POU2F1: variants seen among roughly 807,000 people sequenced by gnomAD.
POU2F1 encodes the protein POU domain, class 2, transcription factor 1.
POU2F1 carries 16 observed loss-of-function variants against 84.9 expected under a neutral mutation model. The observed-to-expected ratio is 0.19, with a 90% CI of 0.13 to 0.29. POU2F1 has a LOEUF of 0.29. POU2F1 is among the 10% of genes least tolerant of loss of function. POU2F1 has a pLI of 1.00. For synonymous variants in POU2F1, 368 were observed against 368.3 expected, an observed-to-expected ratio of 1.00 and a Z score of 0.01; for missense variants, 738 against 942.6, an observed-to-expected ratio of 0.78 and a Z score of 2.84.
At chr1:167,263,357 T>A (rs1329372828) in intron 1 of POU2F1, among the ~76,000 whole-genome samples, 1 of 152,086 alleles carries the variant, frequency 6.6e-6, no homozygotes, top group East Asian at 1.9e-4. Context: ...CTGTTTCTAC[T>A]AAAAATGCAA....
chr1:167,412,434 G>C (rs983999418), intron 14 of POU2F1, 130 bp downstream of exon 14: 18 of 833,508 alleles, frequency 2.2e-5, no homozygotes, highest in Non-Finnish European at 2.7e-5. Flanking sequence ...TCTTTGAAGT[G>C]GGCTGTTTTG....
chr1:167,369,792 G>A (rs1659895183), intron 3 of POU2F1, among the ~76,000 whole-genome samples: 1 of 152,078 alleles, frequency 6.6e-6, no homozygotes, highest in African/African-American at 2.4e-5. Context: ...TATATAGATA[G>A]CTTATATGTT....
intron 7 of POU2F1, among the ~76,000 whole-genome samples, chr1:167,376,365 C>T (rs1352245563): frequency 6.6e-6 from 1 of 152,196 alleles, no homozygotes; most frequent in East Asian, 1.9e-4. Context: ...AACTGCCATT[C>T]ATCTGCTTAA....
rs186213001 is a variant in POU2F1 at position 167,408,016 on chromosome 1, A to G, written c.1556-3943A>G. On this transcript the variant is annotated intron_variant, in intron 13 of 15. Coordinates refer to ENST00000367866, the MANE Select transcript of POU2F1 (RefSeq NM_002697.4). ...AAATTGTGTCTAGAATGTATAAACA[A>G]CTCTTACAACTCAATAGTAAGAATA... 3.3e-5 allele frequency among the ~76,000 whole-genome samples: 5 copies of G among 152,304 alleles called. No homozygotes were observed. The East Asian group carries it at 9.6e-4, about 29-fold the overall frequency.
At chr1:167,235,544 A>G (rs1649385782) in intron 1 of POU2F1, among the ~76,000 whole-genome samples, 1 of 152,202 alleles carries the variant, frequency 6.6e-6, no homozygotes, top group Non-Finnish European at 1.5e-5. Flanking sequence ...CAGGACCAGT[A>G]CGAGACTGGT....
chr1:167,414,673 A>T (rs1650187743), intron 15 of POU2F1: 1 of 985,238 alleles, frequency 1.0e-6, no homozygotes, highest in African/African-American at 1.7e-5. Flanking sequence ...ATTAAAGCAC[A>T]TCCTAGACTT....
rs367655117 is a variant in POU2F1, at chr1:167,352,698, T to G, written c.128-12769T>G. On this transcript the variant is annotated intron_variant, in intron 2 of 15. Transcript: ENST00000367866. ...TAATGTCCCTTTCAGCTTTACCATTTCCAAAATATGAAATAAATAGAATCA... is the reference window on the plus strand; with the variant it reads ...TAATGTCCCTTTCAGCTTTACCATTGCCAAAATATGAAATAAATAGAATCA... 2.6e-5 allele frequency among the ~76,000 whole-genome samples: 4 copies of G among 152,354 alleles called. 1 individual carries two copies. The South Asian group carries it at 8.3e-4, about 32-fold the overall frequency.
intron 1 of POU2F1, among the ~76,000 whole-genome samples, chr1:167,308,295 A>G (rs984580693): frequency 4.6e-5 from 7 of 151,922 alleles, no homozygotes; most frequent in African/African-American, 1.5e-4. Flanking sequence ...TCGAACTCCC[A>G]ATCGCAGGTG....
At chr1:167,243,566 C>T (rs533366194) in intron 1 of POU2F1, among the ~76,000 whole-genome samples, 1 of 152,182 alleles carries the variant, frequency 6.6e-6, no homozygotes, top group Non-Finnish European at 1.5e-5. Context: ...ACCTCTGCCT[C>T]CCAGGTTCAA....
intron 1 of POU2F1, among the ~76,000 whole-genome samples, chr1:167,299,163 C>CAAAAAAAA (rs71073663): frequency 3.1e-5 from 3 of 96,826 alleles, no homozygotes; most frequent in African/African-American, 4.4e-5. Flanking sequence ...AACGCCATCT[C>CAAAAAAAA]AAAAAAAAAA....
chr1:167,383,811 C>T lies in POU2F1; in HGVS notation c.719-46C>T, dbSNP rs750513380. 14 of 1,508,818 alleles carry T rather than the reference C, an allele frequency of 9.3e-6. No individual in the cohort carries two copies. In the Admixed American group the frequency reaches 2.2e-4, roughly 23 times the overall value. 93.5% of individuals were successfully genotyped at this position (1,508,818 alleles called of 1,614,324 possible). On this transcript the variant is annotated intron_variant, in intron 7 of 15. Transcript: ENST00000367866. ...TTCTTTCTTTCTTTTGCCATGTGTT[C>T]GAAGAAATCTTTAATGTTTCTGGAT...
At chr1:167,328,333 T>C (rs1243132874) in intron 1 of POU2F1, among the ~76,000 whole-genome samples, 1 of 152,228 alleles carries the variant, frequency 6.6e-6, no homozygotes, top group Non-Finnish European at 1.5e-5. Flanking sequence ...CTTGCACTGC[T>C]TCTGGGTTTA....
At chr1:167,272,608 AAG>A (rs1421080519) in intron 1 of POU2F1, among the ~76,000 whole-genome samples, 2 of 152,088 alleles carry the variant, frequency 1.3e-5, no homozygotes, top group Non-Finnish European at 2.9e-5. Context: ...GAGCAGGAGG[AAG>A]AGAGAGAAGT....
At chr1:167,381,863 G>T (rs566393199) in intron 7 of POU2F1, among the ~76,000 whole-genome samples, 2 of 151,994 alleles carry the variant, frequency 1.3e-5, no homozygotes, top group Admixed American at 6.5e-5. Flanking sequence ...GCCTGCCTCG[G>T]CCTCCCAAAG....
chr1:167,249,491 T>C (rs575278227), intron 1 of POU2F1, among the ~76,000 whole-genome samples: 2 of 152,232 alleles, frequency 1.3e-5, no homozygotes, highest in Middle Eastern at 3.4e-3. Flanking sequence ...CCCTCCAGGA[T>C]TGGGGTCTTT....
At chr1:167,403,115 T>C (rs1363297454) in intron 13 of POU2F1, among the ~76,000 whole-genome samples, 2 of 152,048 alleles carry the variant, frequency 1.3e-5, no homozygotes, top group East Asian at 3.8e-4. Flanking sequence ...CCTATTTATG[T>C]GGATCTATTT....
At chr1:167,413,191 T>G in intron 15 of POU2F1, 77 bp downstream of exon 15, 13 of 1,218,312 alleles carry the variant, frequency 1.1e-5, no homozygotes, top group Non-Finnish European at 1.3e-5. Flanking sequence ...GTGTGTGTGC[T>G]TGAGACAGAG....
At chr1:167,231,277 T>C (rs1475335139) in intron 1 of POU2F1, among the ~76,000 whole-genome samples, 1 of 152,178 alleles carries the variant, frequency 6.6e-6, no homozygotes, top group Non-Finnish European at 1.5e-5. Context: ...GAAACATCTT[T>C]TGGGTGAAGA....
rs1267092737 is a variant in POU2F1 at position 167,416,388 on chromosome 1, G to A, written c.*578G>A. On this transcript the variant is annotated 3_prime_UTR_variant, in exon 16 of 16. Transcript: ENST00000367866. ...AGGCCTGTATTACTGTATTATTATTGTTGTTGTTGTTATTGTTTTATATAT... is the reference window on the plus strand; with the variant it reads ...AGGCCTGTATTACTGTATTATTATTATTGTTGTTGTTATTGTTTTATATAT... The A allele has an allele frequency of 4.4e-5, 8 of 179,950 alleles. No homozygotes were observed. Among genetic ancestry groups the A allele is most frequent in the South Asian group, 2.0e-4 (2 of 9,912 alleles). 11.1% of individuals were successfully genotyped at this position (179,950 alleles called of 1,614,324 possible). A position where few individuals can be genotyped will look rare whatever the true frequency, so the allele number is the denominator to read the frequency against.
Sources: allele counts gnomAD v4.1 joint callset (sites outside exome capture counted in the v4.1 genomes callset), GRCh38; gene constraint gnomAD v4.1.1; transcripts MANE v1.5; gene names NCBI Gene and HGNC (gene_info 2026-07-23, HGNC 2026-07-21).